The following PRRC2B variants were observed in gnomAD, a reference collection of about 807,000 sequenced individuals.
The protein encoded by PRRC2B is protein PRRC2B.
A neutral mutation model predicts 242.3 loss-of-function variants in PRRC2B; 68 were observed. The ratio of observed to expected loss-of-function variants is 0.28; its 90% CI spans 0.23 to 0.34. PRRC2B has a LOEUF of 0.34. PRRC2B is among the 10% of genes least tolerant of loss of function. The pLI, the probability that PRRC2B is intolerant of heterozygous loss-of-function variation, is 1.00. For missense variants in PRRC2B, 2,835 were observed against 2,954.8 expected, an observed-to-expected ratio of 0.96 and a Z score of 0.94; for synonymous variants, 1,228 against 1,173.6, an observed-to-expected ratio of 1.05 and a Z score of -0.95.
At position 131,478,541 on chromosome 9, in the gene PRRC2B, A is replaced by T. The variant is rs746686552; in HGVS notation, c.4680A>T (p.Glu1560Asp). The stretch of plus-strand genomic sequence containing the variant: ...GTGAGGTGGGTTCTATGGTGGGCGA[A>T]GGCTTCATCGAAGTCCTGACCAAGA... ...EESEVGSMVG[E>D]GFIEVLTKKQ... The change falls in exon 18 of 32, where the codon GAA (glutamate) becomes GAT (aspartate). Residue 1560 changes from glutamate (E) to aspartate (D), a missense_variant. Around this residue, in one of 7 missense-constraint regions of PRRC2B, gnomAD observed 1,536 missense variants for 1,483.1 expected, o/e 1.04. Transcript: ENST00000683519. 1 of 1,608,666 alleles carries T rather than the reference A, an allele frequency of 6.2e-7. No individual in the cohort carries two copies. The highest frequency in any genetic ancestry group is 8.5e-7 in the Non-Finnish European group (1 of 1,177,500).
At chr9:131,448,548 A>AAAAAAAAAAAAAAAAAAC (rs1838893106) in intron 9 of PRRC2B, among the ~76,000 whole-genome samples, 3 of 83,136 alleles carry the variant, frequency 3.6e-5, no homozygotes, top group Non-Finnish European at 4.9e-5. Context: ...TGTCTCAAAA[A>AAAAAAAAAAAAAAAAAAC]AAAAAAAAAA....
chr9:131,464,389 C>G (rs565428186), intron 11 of PRRC2B, among the ~76,000 whole-genome samples: 59 of 152,322 alleles, frequency 3.9e-4, no homozygotes, highest in Non-Finnish European at 2.9e-5. Context: ...GTGTGGCTTC[C>G]TGTTCCGGTT....
rs781585834 is a variant in PRRC2B, at chr9:131,483,393, C to A, written c.5408C>A (p.Ser1803Tyr). The stretch of plus-strand genomic sequence containing the variant: ...TTCAGCTTGCCACCTGGTTCTGCCT[C>A]TGGTCCTACTGGGAGTCCAGTTGTT... ...SDFSLPPGSA[S>Y]GPTGSPVVKL... Residue 1803 changes from serine to tyrosine, a missense_variant, in exon 23 of 32, where the codon TCT (serine) becomes TAT (tyrosine). By Grantham distance (144) the Ser-to-Tyr change is moderately radical. This residue lies in a region of PRRC2B where 574 missense variants were observed against 626.0 expected (regional missense o/e 0.92). Transcript: ENST00000683519. The A allele has an allele frequency of 3.1e-6, 5 of 1,613,920 alleles. No individual in the cohort carries two copies. The highest frequency in any genetic ancestry group is 4.2e-6 in the Non-Finnish European group (5 of 1,179,886).
At chr9:131,485,766 T>C in intron 25 of PRRC2B, 1 of 620,326 alleles carries the variant, frequency 1.6e-6, no homozygotes, top group Non-Finnish European at 3.1e-6. Flanking sequence ...GCAGCCCTGG[T>C]TAAAGTAGAA....
At chr9:131,457,897 C>A (rs776652094) in intron 10 of PRRC2B, among the ~76,000 whole-genome samples, 12 of 152,172 alleles carry the variant, frequency 7.9e-5, no homozygotes, top group Non-Finnish European at 1.5e-4. Flanking sequence ...ATGTTACCTG[C>A]CTCGTCTTCC....
chr9:131,424,714 G>A (rs183875380), intron 1 of PRRC2B, among the ~76,000 whole-genome samples: 2 of 152,154 alleles, frequency 1.3e-5, no homozygotes, highest in Admixed American at 6.5e-5. Context: ...AAAAGATGGA[G>A]GGCATTAAAG....
At chr9:131,467,317 C>G (rs1943425092) in intron 12 of PRRC2B, among the ~76,000 whole-genome samples, 1 of 152,198 alleles carries the variant, frequency 6.6e-6, no homozygotes, top group Admixed American at 6.5e-5. Flanking sequence ...TGGACGTCAT[C>G]TAACCTCTTG....
intron 1 of PRRC2B, among the ~76,000 whole-genome samples, chr9:131,428,826 A>G (rs762293944): frequency 2.0e-4 from 30 of 152,354 alleles, no homozygotes; most frequent in African/African-American, 7.0e-4. Flanking sequence ...CACTGAGCCC[A>G]TCAAGTGTTT....
intron 1 of PRRC2B, among the ~76,000 whole-genome samples, chr9:131,381,415 T>G (rs1836757337): frequency 1.6e-5 from 2 of 127,704 alleles, no homozygotes; most frequent in Non-Finnish European, 3.2e-5. Context: ...CAAGTTCTGG[T>G]TCTTTTTTTT....
In PRRC2B at chr9:131,496,514, G is replaced by A. The variant is rs1473425501; in HGVS notation, c.*640G>A. On this transcript the variant is annotated 3_prime_UTR_variant, in exon 32 of 32. Coordinates refer to ENST00000683519, the MANE Select transcript of PRRC2B (RefSeq NM_013318.4). ...ATTCCTCAGCTGGTTCACCCTTGAG[G>A]TTATTTGCAAAAAGAAAAGGAGGTT... The A allele has an allele frequency of 6.6e-6, 1 of 151,888 alleles. No individual in the cohort carries two copies. The highest frequency in any genetic ancestry group is 1.9e-4 in the East Asian group (1 of 5,182). 9.4% of individuals were successfully genotyped at this position (151,888 alleles called of 1,614,324 possible).
At chr9:131,438,839 GC>G in intron 4 of PRRC2B, 149 bp from the exon 5 acceptor site, 1 of 632,302 alleles carries the variant, frequency 1.6e-6, no homozygotes, top group Non-Finnish European at 2.9e-6. Flanking sequence ...AAGGTTCAGG[GC>G]TTTGCTGCTG....
chr9:131,419,235 CAA>C (rs1339444417), intron 1 of PRRC2B, among the ~76,000 whole-genome samples: 2 of 152,120 alleles, frequency 1.3e-5, no homozygotes, highest in African/African-American at 2.4e-5. Context: ...GTGTTTATCT[CAA>C]GAGGGTTTTC....
At chr9:131,395,726 A>G (rs1837032958) in intron 1 of PRRC2B, among the ~76,000 whole-genome samples, 1 of 152,226 alleles carries the variant, frequency 6.6e-6, no homozygotes, top group African/African-American at 2.4e-5. Flanking sequence ...GGCATGGACA[A>G]TACAGAAGGA....
chr9:131,427,540 C>G (rs780399714), intron 1 of PRRC2B, among the ~76,000 whole-genome samples: 3 of 152,104 alleles, frequency 2.0e-5, no homozygotes, highest in Non-Finnish European at 2.9e-5. Context: ...CCGTGTTAGC[C>G]GGGATGGTCT....
intron 1 of PRRC2B, among the ~76,000 whole-genome samples, chr9:131,424,710 T>A (rs1036120234): frequency 1.2e-4 from 18 of 151,964 alleles, no homozygotes; most frequent in Non-Finnish European, 2.2e-4. Flanking sequence ...AAAGAAAAGA[T>A]GGAGGGCATT....
chr9:131,493,517 C>A (rs182859524), intron 30 of PRRC2B, among the ~76,000 whole-genome samples: 1 of 152,238 alleles, frequency 6.6e-6, no homozygotes, highest in East Asian at 1.9e-4. Context: ...CAGAGCCTCA[C>A]GGGACAAGAG....
At chr9:131,374,939 ACT>A (rs72383100) in intron 1 of PRRC2B, among the ~76,000 whole-genome samples, 9,026 of 151,888 alleles carry the variant, frequency 0.059, 342 homozygotes, top group South Asian at 0.18. Flanking sequence ...CTCTTAGGAG[ACT>A]CTGCCCCACA....
At chr9:131,378,662 C>A (rs138459727) in intron 1 of PRRC2B, among the ~76,000 whole-genome samples, 102 of 152,228 alleles carry the variant, frequency 6.7e-4, no homozygotes, top group African/African-American at 2.3e-3. Context: ...GAAATACCAG[C>A]TTTTTGTCTC....
At chr9:131,491,337 C>T in intron 28 of PRRC2B, 88 bp from the exon 29 acceptor site, 1 of 1,290,904 alleles carries the variant, frequency 7.7e-7, no homozygotes, top group Non-Finnish European at 1.1e-6. Flanking sequence ...GTGTATGAAT[C>T]TGAAGTGCAT....
Sources: allele counts gnomAD v4.1 joint callset (sites outside exome capture counted in the v4.1 genomes callset), GRCh38; gene constraint gnomAD v4.1.1; regional missense constraint gnomAD v4.1.1; transcripts MANE v1.5; gene names NCBI Gene and HGNC (gene_info 2026-07-23, HGNC 2026-07-21).